Variants in MYT1L observed in about 807,000 individuals in gnomAD.
MYT1L encodes the protein myelin transcription factor 1-like protein.
MYT1L carries 12 observed loss-of-function variants against 126.7 expected under a neutral mutation model. The observed-to-expected ratio is 0.09, with a 90% CI of 0.06 to 0.15. The LOEUF (loss-of-function observed/expected upper bound fraction) is 0.15, where lower values mean the gene tolerates loss of function less well. MYT1L is among the 10% of genes least tolerant of loss of function. MYT1L has a pLI of 1.00. For synonymous variants in MYT1L, 541 were observed against 604.2 expected (o/e 0.90, Z 1.53); for missense variants, 979 against 1,585.2 (o/e 0.62, Z 6.49).
chr2:2,041,053 T>C (rs1240180327), intron 4 of MYT1L, among the ~76,000 whole-genome samples: 1 of 152,234 alleles, frequency 6.6e-6, no homozygotes, highest in Non-Finnish European at 1.5e-5. Context: ...TTTATAAAAA[T>C]GTGTTTACGT....
intron 13 of MYT1L, among the ~76,000 whole-genome samples, chr2:1,909,602 T>A (rs958932713): frequency 6.6e-6 from 1 of 152,316 alleles, no homozygotes; most frequent in East Asian, 1.9e-4. Context: ...AAAACTTCAA[T>A]AAAACAGTGG....
At chr2:2,180,772 ATTTGTACCTGTG>A (rs1559249387) in intron 2 of MYT1L, among the ~76,000 whole-genome samples, 1 of 131,264 alleles carries the variant, frequency 7.6e-6, no homozygotes, top group Admixed American at 7.7e-5. Flanking sequence ...CTGTACCTGT[ATTTGTACCTGTG>A]TGTGCCTGTG....
At chr2:2,219,342 A>G (rs772559829) in intron 2 of MYT1L, among the ~76,000 whole-genome samples, 3 of 152,206 alleles carry the variant, frequency 2.0e-5, no homozygotes, top group Non-Finnish European at 4.4e-5. Flanking sequence ...GCATAAGTTA[A>G]GGTGAGACAC....
At chr2:1,845,373 C>T (rs1278990083) in intron 19 of MYT1L, among the ~76,000 whole-genome samples, 1 of 152,154 alleles carries the variant, frequency 6.6e-6, no homozygotes, top group African/African-American at 2.4e-5. Context: ...CTCCTCTCAC[C>T]TTCCTCCTTT....
intron 18 of MYT1L, among the ~76,000 whole-genome samples, chr2:1,872,802 T>C (rs2046429019): frequency 6.6e-6 from 1 of 152,234 alleles, no homozygotes; most frequent in Non-Finnish European, 1.5e-5. Context: ...TAAATGCTTA[T>C]ACAGCTTATT....
intron 8 of MYT1L, among the ~76,000 whole-genome samples, chr2:1,944,964 G>A (rs930987407): frequency 2.0e-5 from 3 of 152,168 alleles, no homozygotes; most frequent in African/African-American, 7.2e-5. Context: ...GGCTGCTGAT[G>A]AGCTTTCACA....
chr2:2,166,390 A>C (rs532446765), intron 3 of MYT1L, among the ~76,000 whole-genome samples: 2 of 152,346 alleles, frequency 1.3e-5, no homozygotes, highest in African/African-American at 4.8e-5. Flanking sequence ...AGATTGATAC[A>C]TCTCTATGTT....
chr2:2,038,331 C>G (rs1344133649), intron 4 of MYT1L, among the ~76,000 whole-genome samples: 2 of 152,134 alleles, frequency 1.3e-5, no homozygotes, highest in African/African-American at 4.8e-5. Context: ...TGAGTAGAAT[C>G]TCACCCTGTT....
intron 3 of MYT1L, among the ~76,000 whole-genome samples, chr2:2,113,860 C>T (rs2079835905): frequency 6.6e-6 from 1 of 151,808 alleles, no homozygotes; most frequent in Non-Finnish European, 1.5e-5. Flanking sequence ...CTCCATTACA[C>T]AGATAGGAAA....
intron 3 of MYT1L, among the ~76,000 whole-genome samples, chr2:2,055,740 C>T (rs2069442918): frequency 6.6e-6 from 1 of 152,162 alleles, no homozygotes; most frequent in South Asian, 2.1e-4. Flanking sequence ...ATTGCCAGTA[C>T]TATGCTTAAA....
At chr2:1,891,929 C>T (rs2048933266) in intron 15 of MYT1L, 108 bp downstream of exon 15, 3 of 1,428,998 alleles carry the variant, frequency 2.1e-6, no homozygotes, top group Non-Finnish European at 2.7e-6. Context: ...GAGATCACGG[C>T]GTTTGCCCCA....
intron 3 of MYT1L, among the ~76,000 whole-genome samples, chr2:2,084,923 A>T (rs537923990): frequency 1.3e-5 from 2 of 152,320 alleles, no homozygotes; most frequent in South Asian, 4.1e-4. Flanking sequence ...CACTCAGCGC[A>T]GCCATGTGAC....
intron 2 of MYT1L, among the ~76,000 whole-genome samples, chr2:2,239,417 A>C (rs2094393302): frequency 6.6e-6 from 1 of 152,258 alleles, no homozygotes; most frequent in South Asian, 2.1e-4. Flanking sequence ...CAGGTAACAC[A>C]CTTTCAATTT....
At chr2:2,239,853 G>A (rs1426211700) in intron 2 of MYT1L, among the ~76,000 whole-genome samples, 1 of 151,656 alleles carries the variant, frequency 6.6e-6, no homozygotes, top group East Asian at 2.0e-4. Context: ...GCAGAGAGCT[G>A]CTGTGGGGAG....
chr2:2,162,454 C>A (rs369647117), intron 3 of MYT1L, among the ~76,000 whole-genome samples: 1 of 152,166 alleles, frequency 6.6e-6, no homozygotes, highest in Non-Finnish European at 1.5e-5. Context: ...TGAGCCCTTG[C>A]TGACTCACCC....
intron 8 of MYT1L, among the ~76,000 whole-genome samples, chr2:1,967,771 CG>C (rs2059487794): frequency 6.6e-6 from 1 of 152,116 alleles, no homozygotes; most frequent in Admixed American, 6.5e-5. Context: ...GCAGGCGAGA[CG>C]AGGTGCAGCG....
intron 23 of MYT1L, among the ~76,000 whole-genome samples, chr2:1,795,956 A>G (rs574543938): frequency 4.5e-4 from 68 of 152,354 alleles, no homozygotes; most frequent in Non-Finnish European, 7.3e-4. Context: ...TGGAGTAGAG[A>G]AAGGTCAAAT....
At chr2:2,119,496 T>C (rs1374311181) in intron 3 of MYT1L, among the ~76,000 whole-genome samples, 4 of 152,234 alleles carry the variant, frequency 2.6e-5, no homozygotes, top group Admixed American at 2.6e-4. Context: ...GAATTAAGTA[T>C]TTGAATTCTA....
Position 2,094,209 on chromosome 2 carries a change from C to T in MYT1L, c.-303-40086G>A, listed in dbSNP as rs2077193475. Among the ~76,000 whole-genome samples, 3 of 152,144 alleles carry T rather than the reference C, an allele frequency of 2.0e-5. No individual in the cohort carries two copies. In the South Asian group the frequency reaches 6.2e-4, roughly 32 times the overall value. ...GCCATCAGAGAAATGCAAATCAAAA[C>T]CACTATGAGATACTATCTCACACCA... On this transcript the variant is annotated intron_variant, in intron 3 of 24. Coordinates refer to ENST00000647738, the MANE Select transcript of MYT1L (RefSeq NM_001303052.2).
Sources: gnomAD v4.1 joint callset for allele counts (sites outside exome capture counted in the v4.1 genomes callset) on GRCh38, gnomAD v4.1.1 for gene constraint, MANE v1.5 for transcripts, NCBI Gene and HGNC (gene_info 2026-07-23, HGNC 2026-07-21) for gene names.